The following SV2C variants were observed in gnomAD, a reference collection of about 807,000 sequenced individuals.
The protein encoded by SV2C is synaptic vesicle glycoprotein 2C.
A neutral mutation model predicts 79.7 loss-of-function variants in SV2C; 49 were observed. That is an observed-to-expected ratio of 0.61 (90% CI 0.49 to 0.78). SV2C has a LOEUF of 0.78. SV2C is among the 30% of genes least tolerant of loss of function. The probability of loss-of-function intolerance (pLI) is 0.00; values close to 1 mark genes in which losing one functional copy is unlikely to be tolerated. For synonymous variants in SV2C, 334 were observed against 333.2 expected, an observed-to-expected ratio of 1.00 and a Z score of -0.03; for missense variants, 833 against 912.9, an observed-to-expected ratio of 0.91 and a Z score of 1.13.
chr5:76,025,558 T>C, the SV2C span, among the ~76,000 whole-genome samples: 1 of 152,208 alleles, frequency 6.6e-6, no homozygotes, highest in African/African-American at 2.4e-5. Flanking sequence ...TCATCACATG[T>C]GCTAAAAGTA....
Position 76,088,220 on chromosome 5 carries a change from G to A in SV2C, c.-102+4708G>A, listed in dbSNP as rs541971872. The stretch of plus-strand genomic sequence containing the variant: ...TATGAGGTTACTTTTAATACAGTGT[G>A]CTTTTCCTCATAAAGTTATTAGAGA... On this transcript the variant is annotated intron_variant, in intron 1 of 12. Transcript: ENST00000502798. Among the ~76,000 whole-genome samples, 9 of 152,238 alleles carry A rather than the reference G, an allele frequency of 5.9e-5. No individual in the cohort carries two copies. The South Asian group carries it at 1.5e-3, about 25-fold the overall frequency.
chr5:76,276,454 G>T (rs1223240870), intron 4 of SV2C, among the ~76,000 whole-genome samples: 1 of 152,088 alleles, frequency 6.6e-6, no homozygotes, highest in Non-Finnish European at 1.5e-5. Context: ...TCCCACCTCA[G>T]CCTCCCAAGC....
the SV2C span, among the ~76,000 whole-genome samples, chr5:76,065,291 G>T: frequency 6.6e-6 from 1 of 152,130 alleles, no homozygotes; most frequent in African/African-American, 2.4e-5. Context: ...ATAGAAAATG[G>T]AATATACATT....
intron 1 of SV2C, among the ~76,000 whole-genome samples, chr5:76,107,535 A>G (rs1171186744): frequency 6.6e-6 from 1 of 152,224 alleles, no homozygotes; most frequent in Non-Finnish European, 1.5e-5. Context: ...TGATTACAGC[A>G]GTTACATAAA....
At chr5:76,348,107 AC>A (rs1344124891) in intron 12 of SV2C, among the ~76,000 whole-genome samples, 1 of 152,164 alleles carries the variant, frequency 6.6e-6, no homozygotes, top group African/African-American at 2.4e-5. Flanking sequence ...ACCCCTGGCA[AC>A]CACTGATCAT....
chr5:76,317,546 T>G (rs1000562320), intron 12 of SV2C, among the ~76,000 whole-genome samples: 2 of 152,180 alleles, frequency 1.3e-5, no homozygotes, highest in African/African-American at 4.8e-5. Flanking sequence ...ATGTGGCACT[T>G]AGGCCAGGTG....
chr5:75,877,313 A>C, the SV2C span, among the ~76,000 whole-genome samples: 1 of 152,094 alleles, frequency 6.6e-6, no homozygotes, highest in Admixed American at 6.6e-5. Context: ...GAGAGAAATA[A>C]ATAATTCAAC....
the SV2C span, among the ~76,000 whole-genome samples, chr5:75,847,658 C>T: frequency 6.6e-6 from 1 of 152,306 alleles, no homozygotes; most frequent in African/African-American, 2.4e-5. Flanking sequence ...AGTTGACTTC[C>T]TCTTTGATTC....
rs1749060993 is a variant in SV2C, at chr5:76,327,988, T to G, written c.*2441T>G. On this transcript the variant is annotated 3_prime_UTR_variant, in exon 13 of 13. Transcript: ENST00000502798. The stretch of plus-strand genomic sequence containing the variant: ...GGCCTAAGAGGGATCTTTTCTCATC[T>G]CCTGGACAGTCTGTGGTCACAAACC... 6.6e-6 allele frequency: 1 copy of G among 152,244 alleles called. No individual in the cohort carries two copies. Among genetic ancestry groups the G allele is most frequent in the Non-Finnish European group, 1.5e-5 (1 of 68,072 alleles). The allele number at this position is 152,244 out of a possible 1,614,324, so 9.4% of individuals were successfully genotyped here.
chr5:76,214,592 A>G (rs1744862255), intron 4 of SV2C, among the ~76,000 whole-genome samples: 1 of 152,212 alleles, frequency 6.6e-6, no homozygotes, highest in African/African-American at 2.4e-5. Flanking sequence ...TAGGGATTAC[A>G]TTGACTCTGT....
chr5:76,254,230 A>ATG (rs35436365), intron 4 of SV2C, among the ~76,000 whole-genome samples: 6 of 147,872 alleles, frequency 4.1e-5, no homozygotes, highest in East Asian at 2.1e-4. Context: ...GTGTATATAT[A>ATG]TGTGTGTGTG....
the SV2C span, among the ~76,000 whole-genome samples, chr5:75,880,008 G>A: frequency 5.9e-5 from 9 of 152,174 alleles, no homozygotes; most frequent in Middle Eastern, 3.2e-3. Context: ...GGCAACCTGA[G>A]CTGTATCTAG....
intron 2 of SV2C, among the ~76,000 whole-genome samples, chr5:76,177,040 G>A (rs1197126762): frequency 1.3e-5 from 2 of 151,348 alleles, no homozygotes; most frequent in African/African-American, 4.9e-5. Context: ...GCGTGAACCC[G>A]GGAGGCAGAG....
chr5:76,101,073 T>A (rs1341656847), intron 1 of SV2C, among the ~76,000 whole-genome samples: 2 of 147,288 alleles, frequency 1.4e-5, no homozygotes, highest in Non-Finnish European at 3.1e-5. Flanking sequence ...AAGAGGGAGA[T>A]GCAGGATGTA....
chr5:76,236,936 G>A (rs1745634124), intron 4 of SV2C, among the ~76,000 whole-genome samples: 1 of 152,182 alleles, frequency 6.6e-6, no homozygotes, highest in African/African-American at 2.4e-5. Context: ...GACAGTGAGT[G>A]AGTTCTCATG....
At chr5:76,033,259 C>A in the SV2C span, among the ~76,000 whole-genome samples, 117 of 151,702 alleles carry the variant, frequency 7.7e-4, no homozygotes, top group African/African-American at 2.8e-3. Context: ...TAATTAGATC[C>A]CATTTGTCAA....
the SV2C span, among the ~76,000 whole-genome samples, chr5:76,051,983 A>G: frequency 6.6e-6 from 1 of 152,128 alleles, no homozygotes; most frequent in African/African-American, 2.4e-5. Context: ...GTAATAGATC[A>G]ATTTATTTTA....
chr5:76,280,920 C>A, intron 4 of SV2C: 1 of 523,864 alleles, frequency 1.9e-6, no homozygotes, highest in Non-Finnish European at 3.8e-6. Flanking sequence ...GTTCCTGGTG[C>A]TGAGAGCGCG....
At chr5:76,265,886 G>A (rs539748185) in intron 4 of SV2C, among the ~76,000 whole-genome samples, 2 of 152,126 alleles carry the variant, frequency 1.3e-5, no homozygotes, top group Non-Finnish European at 2.9e-5. Flanking sequence ...TGTTGATCAC[G>A]CTGGGAGCTG....
Sources: allele counts gnomAD v4.1 joint callset (sites outside exome capture counted in the v4.1 genomes callset), GRCh38; gene constraint gnomAD v4.1.1; transcripts MANE v1.5; gene names NCBI Gene and HGNC (gene_info 2026-07-23, HGNC 2026-07-21).